The following CCT7 variants were observed in gnomAD, a reference collection of about 807,000 sequenced individuals.
The protein encoded by CCT7 is T-complex protein 1 subunit eta.
In CCT7, 16 loss-of-function variants were observed where a neutral mutation model predicts 56.6. The ratio of observed to expected loss-of-function variants is 0.28; its 90% CI spans 0.19 to 0.43. The LOEUF (loss-of-function observed/expected upper bound fraction) is 0.43, where lower values mean the gene tolerates loss of function less well. CCT7 is among the 20% of genes least tolerant of loss of function. The probability of loss-of-function intolerance (pLI) is 1.00; values close to 1 mark genes in which losing one functional copy is unlikely to be tolerated. For synonymous variants in CCT7, 262 were observed against 254.8 expected, an observed-to-expected ratio of 1.03 and a Z score of -0.27; for missense variants, 519 against 685.6, an observed-to-expected ratio of 0.76 and a Z score of 2.71.
chr2:73,238,477 C>T (rs951415692), intron 1 of CCT7, among the ~76,000 whole-genome samples: 1 of 152,242 alleles, frequency 6.6e-6, no homozygotes, highest in South Asian at 2.1e-4. Flanking sequence ...ATTCCTCACT[C>T]CTCATTGTTA....
At position 73,252,324 on chromosome 2, in the gene CCT7, G is replaced by GATATATAT. The variant is rs57359293; in HGVS notation, c.1411-296_1411-289dup. On this transcript the variant is annotated intron_variant, in intron 11 of 11. Transcript: ENST00000258091. ...TGTTTATCTTGAGAACTCATTGTTT[G>GATATATAT]ATATATATATATATATATATATATA... Among the ~76,000 whole-genome samples, 332 of 127,310 alleles carry GATATATAT rather than the reference G, an allele frequency of 2.6e-3. 6 individuals carry two copies. Among genetic ancestry groups the GATATATAT allele is most frequent in the South Asian group, 8.0e-3 (29 of 3,640 alleles). 83.5% of individuals were successfully genotyped at this position (127,310 alleles called of 152,430 possible).
At position 73,240,430 on chromosome 2, in the gene CCT7, T is replaced by G. The variant is rs769063795; in HGVS notation, c.161-7T>G. On this transcript the variant is annotated splice_polypyrimidine_tract_variant and splice_region_variant and intron_variant, in intron 2 of 11. Coordinates refer to ENST00000258091, the MANE Select transcript of CCT7 (RefSeq NM_006429.4). Reference sequence around the variant, plus strand: ...GGGGCTTTAGATTTTTGTTTGTTTCTTTTAAGGCAAAGCAACAATTTCTAA... The same window carrying G: ...GGGGCTTTAGATTTTTGTTTGTTTCGTTTAAGGCAAAGCAACAATTTCTAA... 1.2e-6 allele frequency: 2 copies of G among 1,607,690 alleles called. No individual in the cohort carries two copies. Among genetic ancestry groups the G allele is most frequent in the South Asian group, 2.2e-5 (2 of 90,454 alleles).
chr2:73,249,839 G>T lies in CCT7; in HGVS notation c.993G>T (p.Gln331His), dbSNP rs1336376525. ...RTMMACGGSI[Q>H]TSVNALSADV... ...CCTAGGCCTGTGGAGGCTCAATCCA[G>T]ACCAGTGTGAATGCTCTGTCAGCAG... Residue 331 changes from glutamine to histidine, a missense_variant, in exon 9 of 12, where the codon CAG becomes CAT. By Grantham distance (24) the Gln-to-His change is conservative. Coordinates refer to ENST00000258091, the MANE Select transcript of CCT7 (RefSeq NM_006429.4). The T allele has an allele frequency of 4.3e-6, 7 of 1,613,592 alleles. No homozygotes were observed. The highest frequency in any genetic ancestry group is 5.1e-6 in the Non-Finnish European group (6 of 1,179,616).
rs775080473 is a variant in CCT7, at chr2:73,251,229, G to T, written c.1207G>T (p.Asp403Tyr). 4 of 1,614,114 alleles carry T rather than the reference G, an allele frequency of 2.5e-6. No homozygotes were observed. In the South Asian group the frequency reaches 4.4e-5, roughly 18 times the overall value. Residue 403 changes from aspartate to tyrosine, a missense_variant, in exon 11 of 12, where the codon GAT (aspartate) becomes TAT (tyrosine). Coordinates refer to ENST00000258091, the MANE Select transcript of CCT7 (RefSeq NM_006429.4). ...AGAGGTGGTCTGATCTCTGCAGAAT[G>T]ATTCAGTGGTGGCTGGTGGCGGGGC... is the stretch of plus-strand genomic sequence containing the variant. The part of the protein sequence containing the change: ...IMIVRRAIKN[D>Y]SVVAGGGAIE...
At chr2:73,241,033 CTTT>C (rs35842378) in intron 3 of CCT7, among the ~76,000 whole-genome samples, 5 of 127,448 alleles carry the variant, frequency 3.9e-5, no homozygotes, top group Admixed American at 8.1e-5. Flanking sequence ...CTACACCAGG[CTTT>C]TTTTTTTTTT....
chr2:73,251,818 A>T lies in CCT7; in HGVS notation c.1410+386A>T, dbSNP rs186537190. ...GCCAGGCGTGGTGGTGGGCACCTGT[A>T]ATCCCAGCTACTCAGGAGGCTGAGG... On this transcript the variant is annotated intron_variant, in intron 11 of 11. Transcript: ENST00000258091. Among the ~76,000 whole-genome samples the T allele has an allele frequency of 7.2e-4, 110 of 152,304 alleles. 1 individual carries two copies. In the East Asian group the frequency reaches 0.017, roughly 24 times the overall value.
intron 4 of CCT7, among the ~76,000 whole-genome samples, chr2:73,243,653 C>T (rs1482986485): frequency 5.3e-5 from 8 of 152,070 alleles, no homozygotes; most frequent in Admixed American, 1.3e-4. Context: ...TAGAAGTTGT[C>T]GTAGGTGTTT....
intron 1 of CCT7, among the ~76,000 whole-genome samples, chr2:73,236,923 G>GTA (rs1686909697): frequency 6.6e-6 from 1 of 152,210 alleles, no homozygotes; most frequent in African/African-American, 2.4e-5. Flanking sequence ...AGAACTCTCA[G>GTA]TAAATGTAGT....
chr2:73,235,455 A>T, intron 1 of CCT7: 2 of 582,580 alleles, frequency 3.4e-6, no homozygotes, highest in Non-Finnish European at 4.5e-6. Flanking sequence ...GACACCTTTT[A>T]GGTGTTCTAC....
At chr2:73,235,644 A>G (rs1405949508) in intron 1 of CCT7, 5 of 753,640 alleles carry the variant, frequency 6.6e-6, no homozygotes, top group Non-Finnish European at 6.6e-6. Flanking sequence ...CTGAATGCCT[A>G]GGTTTGTAAC....
chr2:73,244,019 T>A lies in CCT7; in HGVS notation c.416T>A (p.Ile139Asn). 1 of 1,613,894 alleles carries A rather than the reference T, an allele frequency of 6.2e-7. No individual in the cohort carries two copies. The highest frequency in any genetic ancestry group is 8.5e-7 in the Non-Finnish European group (1 of 1,179,858). ...TQLAVNKIKE[I>N]AVTVKKADKV... ...CAGGCAGTTAACAAGATCAAAGAGATTGCTGTGACCGTGAAGAAGGCAGAT... is the reference window on the plus strand; with the variant it reads ...CAGGCAGTTAACAAGATCAAAGAGAATGCTGTGACCGTGAAGAAGGCAGAT... The change falls in exon 5 of 12, where the codon ATT (isoleucine) becomes AAT (asparagine). Residue 139 changes from isoleucine to asparagine, a missense_variant. Around this residue, in one of 3 missense-constraint regions of CCT7, gnomAD observed 276 missense variants for 357.3 expected, o/e 0.77. Transcript: ENST00000258091.
intron 6 of CCT7, among the ~76,000 whole-genome samples, 184 bp from the exon 7 acceptor site, chr2:73,247,578 T>TAA (rs75081096): frequency 9.6e-5 from 14 of 145,200 alleles, no homozygotes; most frequent in African/African-American, 2.5e-4. Context: ...TTGTGTTATT[T>TAA]AAAAAAAAAA....
intron 6 of CCT7, among the ~76,000 whole-genome samples, chr2:73,246,660 CTCT>C (rs1687352245): frequency 6.6e-6 from 1 of 151,470 alleles, no homozygotes; most frequent in Non-Finnish European, 1.5e-5. Context: ...CTTCCCCTCT[CTCT>C]TCTTCACTGG....
chr2:73,242,907 A>G, intron 3 of CCT7, 97 bp from the exon 4 acceptor site: 1 of 1,411,204 alleles, frequency 7.1e-7, no homozygotes, highest in Non-Finnish European at 9.8e-7. Context: ...CATTTAAATA[A>G]TATTCAGTTT....
At chr2:73,241,897 C>T (rs561914444) in intron 3 of CCT7, among the ~76,000 whole-genome samples, 13 of 151,980 alleles carry the variant, frequency 8.6e-5, no homozygotes, top group African/African-American at 2.9e-4. Flanking sequence ...CCCACCACCA[C>T]GCCCGGGTAA....
At chr2:73,234,444 G>A in intron 1 of CCT7, 60 bp downstream of exon 1, 7 of 1,590,866 alleles carry the variant, frequency 4.4e-6, no homozygotes, top group Non-Finnish European at 5.2e-6. Flanking sequence ...GGCCGGCGCC[G>A]CTCGGCCTGG....
intron 4 of CCT7, chr2:73,243,790 A>G: frequency 1.7e-6 from 1 of 589,580 alleles, no homozygotes; most frequent in Non-Finnish European, 3.0e-6. Flanking sequence ...CTGTATACCC[A>G]CTCTGCATTT....
intron 11 of CCT7, among the ~76,000 whole-genome samples, chr2:73,251,938 C>CAA (rs34402523): frequency 1.2e-4 from 16 of 134,448 alleles, no homozygotes; most frequent in Non-Finnish European, 1.9e-4. Context: ...GACTCCATCT[C>CAA]AAAAAAAAAA....
intron 3 of CCT7, among the ~76,000 whole-genome samples, chr2:73,241,462 A>C (rs1010412847): frequency 2.6e-5 from 4 of 152,064 alleles, no homozygotes; most frequent in Non-Finnish European, 5.9e-5. Context: ...GTTAAAAATA[A>C]ATTTCTGGGC....
Sources: gnomAD v4.1 joint callset for allele counts (sites outside exome capture counted in the v4.1 genomes callset) on GRCh38, gnomAD v4.1.1 for gene constraint, gnomAD v4.1.1 regional missense constraint, MANE v1.5 for transcripts, NCBI Gene and HGNC (gene_info 2026-07-23, HGNC 2026-07-21) for gene names.